Variants in RGS6 observed in about 807,000 individuals in gnomAD.
RGS6 encodes the protein regulator of G protein signaling 6.
In RGS6, 30 loss-of-function variants were observed where a neutral mutation model predicts 78.5. The observed-to-expected ratio is 0.38, with a 90% CI of 0.29 to 0.52. The LOEUF (loss-of-function observed/expected upper bound fraction) is 0.52. Ranked by LOEUF, RGS6 falls within the 20% of genes least tolerant of loss-of-function variation. The probability of loss-of-function intolerance (pLI) is 0.85; values close to 1 mark genes in which losing one functional copy is unlikely to be tolerated. For synonymous variants in RGS6, 206 were observed against 206.0 expected, an observed-to-expected ratio of 1.00 and a Z score of 0.00; for missense variants, 495 against 609.7, an observed-to-expected ratio of 0.81 and a Z score of 1.98.
chr14:72,261,685 C>G (rs916919170), intron 2 of RGS6, among the ~76,000 whole-genome samples: 1 of 152,126 alleles, frequency 6.6e-6, no homozygotes, highest in Non-Finnish European at 1.5e-5. Context: ...ATGAATCTCT[C>G]CACAGAAGGA....
At chr14:72,003,552 T>A (rs182636442) in intron 2 of RGS6, among the ~76,000 whole-genome samples, 42 of 152,304 alleles carry the variant, frequency 2.8e-4, no homozygotes, top group African/African-American at 9.9e-4. Context: ...TATAAAACCT[T>A]TAAGGAAGAT....
intron 2 of RGS6, among the ~76,000 whole-genome samples, chr14:71,993,651 G>C (rs573117223): frequency 6.6e-6 from 1 of 152,050 alleles, no homozygotes; most frequent in Non-Finnish European, 1.5e-5. Flanking sequence ...TTTCTACTGC[G>C]TGAGTCTTAC....
At chr14:71,935,559 T>C (rs1482690869) in intron 1 of RGS6, among the ~76,000 whole-genome samples, 3 of 152,206 alleles carry the variant, frequency 2.0e-5, no homozygotes, top group Non-Finnish European at 4.4e-5. Flanking sequence ...GTAGGTTCTT[T>C]CTTTTTCTGT....
intron 3 of RGS6, among the ~76,000 whole-genome samples, chr14:72,422,306 T>C (rs1231020514): frequency 6.6e-6 from 1 of 152,196 alleles, no homozygotes; most frequent in African/African-American, 2.4e-5. Flanking sequence ...AATTCTTATA[T>C]ACTTAGAACG....
intron 2 of RGS6, among the ~76,000 whole-genome samples, chr14:71,987,203 GT>G (rs2094752583): frequency 1.3e-5 from 2 of 152,178 alleles, no homozygotes; most frequent in Admixed American, 1.3e-4. Context: ...GTACGCTGAA[GT>G]TTTGTTTTTC....
chr14:71,911,452 T>C, the RGS6 span, among the ~76,000 whole-genome samples: 1 of 152,196 alleles, frequency 6.6e-6, no homozygotes, highest in Non-Finnish European at 1.5e-5. Context: ...GGGTTTGAAA[T>C]ACGGAGAAAT....
At chr14:71,927,026 T>A in the RGS6 span, among the ~76,000 whole-genome samples, 1 of 152,224 alleles carries the variant, frequency 6.6e-6, no homozygotes, top group Non-Finnish European at 1.5e-5. Context: ...CAAGTCATAT[T>A]ACATGTGTAC....
At chr14:72,615,230 G>A in the RGS6 span, among the ~76,000 whole-genome samples, 6 of 152,242 alleles carry the variant, frequency 3.9e-5, no homozygotes, top group Non-Finnish European at 4.4e-5. Context: ...CCTGGGCCAC[G>A]GGCGGCGCAA....
chr14:72,349,228 C>A (rs977931208), intron 2 of RGS6, among the ~76,000 whole-genome samples: 1 of 152,060 alleles, frequency 6.6e-6, no homozygotes. Context: ...GTCTATAGGC[C>A]AGCTTAGGTT....
chr14:72,128,238 G>A lies in RGS6; in HGVS notation c.84+163363G>A, dbSNP rs117700186. On this transcript the variant is annotated intron_variant, in intron 2 of 17. Coordinates refer to ENST00000553525, the MANE Select transcript of RGS6 (RefSeq NM_001204424.2). ...AAAACAAATGTTATAAACTATGACAGTCCAGCTCAAAGTAGCTTGATTTCA... is the reference window on the plus strand; with the variant it reads ...AAAACAAATGTTATAAACTATGACAATCCAGCTCAAAGTAGCTTGATTTCA... Among the ~76,000 whole-genome samples, 1,018 of 152,280 alleles carry A rather than the reference G, an allele frequency of 6.7e-3. 9 individuals are homozygous for A. The highest frequency in any genetic ancestry group is 0.011 in the South Asian group (55 of 4,824).
At chr14:72,100,362 G>A in intron 2 of RGS6, among the ~76,000 whole-genome samples, 1 of 152,096 alleles carries the variant, frequency 6.6e-6, no homozygotes, top group East Asian at 1.9e-4. Context: ...AGGCGTGGTG[G>A]TGCACACCTG....
intron 3 of RGS6, among the ~76,000 whole-genome samples, chr14:72,419,559 A>G (rs79419996): frequency 0.039 from 5,911 of 152,244 alleles, 167 homozygotes; most frequent in South Asian, 0.072. Context: ...ACAAAATACA[A>G]TGTGTCTGTG....
chr14:71,990,217 C>G (rs2094896782), intron 2 of RGS6, among the ~76,000 whole-genome samples: 1 of 152,140 alleles, frequency 6.6e-6, no homozygotes, highest in African/African-American at 2.4e-5. Flanking sequence ...AAACACCTTC[C>G]CCTAGGCCCC....
At chr14:72,261,920 T>C (rs10150159) in intron 2 of RGS6, among the ~76,000 whole-genome samples, 86,848 of 152,114 alleles carry the variant, frequency 0.57, 25,272 homozygotes, top group African/African-American at 0.67. Flanking sequence ...ATACCTAATA[T>C]TTAAAAATTA....
chr14:72,357,885 G>A (rs566487886), intron 3 of RGS6, among the ~76,000 whole-genome samples: 1 of 152,246 alleles, frequency 6.6e-6, no homozygotes, highest in East Asian at 1.9e-4. Flanking sequence ...AGACCTTCAA[G>A]GCAGCACCTC....
intron 3 of RGS6, among the ~76,000 whole-genome samples, chr14:72,356,490 A>G (rs2080320951): frequency 6.6e-6 from 1 of 152,180 alleles, no homozygotes; most frequent in African/African-American, 2.4e-5. Context: ...GTGAAAATGG[A>G]CTAATACACT....
At chr14:72,532,227 A>G (rs1320709736) in intron 15 of RGS6, among the ~76,000 whole-genome samples, 3 of 152,158 alleles carry the variant, frequency 2.0e-5, no homozygotes, top group Non-Finnish European at 2.9e-5. Flanking sequence ...TAGTATGATT[A>G]TATGTTTATG....
At chr14:72,467,762 T>A (rs1197894617) in intron 7 of RGS6, among the ~76,000 whole-genome samples, 1 of 152,222 alleles carries the variant, frequency 6.6e-6, no homozygotes, top group Admixed American at 6.5e-5. Flanking sequence ...CTTGGCCTGG[T>A]TGTTCTGTGG....
chr14:72,054,601 A>G (rs1346252542), intron 2 of RGS6, among the ~76,000 whole-genome samples: 1 of 152,094 alleles, frequency 6.6e-6, no homozygotes, highest in Non-Finnish European at 1.5e-5. Flanking sequence ...TCCACGCATG[A>G]TCTCCTTTCA....
Sources: allele counts gnomAD v4.1 joint callset (sites outside exome capture counted in the v4.1 genomes callset), GRCh38; gene constraint gnomAD v4.1.1; transcripts MANE v1.5; gene names NCBI Gene and HGNC (gene_info 2026-07-23, HGNC 2026-07-21).